The following THSD7B variants were observed in gnomAD, a reference collection of about 807,000 sequenced individuals.
THSD7B encodes the protein thrombospondin type 1 domain containing 7B.
A neutral mutation model predicts 213.6 loss-of-function variants in THSD7B; 138 were observed. The observed-to-expected ratio is 0.65, with a 90% CI of 0.56 to 0.74. The LOEUF (loss-of-function observed/expected upper bound fraction) is 0.74, where lower values mean the gene tolerates loss of function less well. Ranked by LOEUF, THSD7B falls within the 30% of genes least tolerant of loss-of-function variation. THSD7B has a pLI of 0.00. For synonymous variants in THSD7B, 742 were observed against 687.0 expected, an observed-to-expected ratio of 1.08 and a Z score of -1.25; for missense variants, 1,931 against 1,991.5, an observed-to-expected ratio of 0.97 and a Z score of 0.58.
intron 2 of THSD7B, among the ~76,000 whole-genome samples, chr2:136,898,580 C>T (rs749565390): frequency 5.6e-5 from 3 of 53,920 alleles, no homozygotes; most frequent in Non-Finnish European, 1.3e-4. Context: ...TGTCCCCCCG[C>T]CCCCCCGCCA....
At chr2:137,589,212 C>T (rs914950313) in intron 17 of THSD7B, among the ~76,000 whole-genome samples, 2 of 152,040 alleles carry the variant, frequency 1.3e-5, no homozygotes, top group African/African-American at 4.8e-5. Context: ...TGAACTTTGA[C>T]ATTTTTGTCA....
chr2:137,092,624 A>T (rs753469238), intron 3 of THSD7B, among the ~76,000 whole-genome samples: 1 of 152,036 alleles, frequency 6.6e-6, no homozygotes, highest in Non-Finnish European at 1.5e-5. Context: ...GTTAGAAATG[A>T]AACAATTTAA....
intron 1 of THSD7B, among the ~76,000 whole-genome samples, chr2:136,767,839 G>A (rs1681433887): frequency 6.6e-6 from 1 of 152,128 alleles, no homozygotes; most frequent in Non-Finnish European, 1.5e-5. Context: ...ATAATACGAT[G>A]AGCTCACTTT....
intron 17 of THSD7B, among the ~76,000 whole-genome samples, chr2:137,575,929 T>C (rs1002001922): frequency 1.4e-5 from 2 of 145,554 alleles, no homozygotes; most frequent in Non-Finnish European, 2.9e-5. Flanking sequence ...AGTTCATTAC[T>C]TACCACCCAA....
intron 4 of THSD7B, among the ~76,000 whole-genome samples, chr2:137,106,611 C>T: frequency 6.6e-6 from 1 of 152,036 alleles, no homozygotes; most frequent in East Asian, 1.9e-4. Flanking sequence ...AACAGGAAAC[C>T]TACAGAATGG....
intron 18 of THSD7B, 47 bp downstream of exon 18, chr2:137,616,363 A>G: frequency 6.4e-7 from 1 of 1,562,812 alleles, no homozygotes; most frequent in Non-Finnish European, 8.7e-7. Context: ...AACATTGACT[A>G]ATGAGAGAAT....
chr2:137,015,707 G>A (rs533554043), intron 2 of THSD7B, among the ~76,000 whole-genome samples: 8 of 152,270 alleles, frequency 5.3e-5, no homozygotes, highest in Admixed American at 3.3e-4. Context: ...CTCCTGCACC[G>A]TTACCCTTTA....
At chr2:136,771,120 TA>T (rs1475017110) in intron 1 of THSD7B, among the ~76,000 whole-genome samples, 10 of 152,152 alleles carry the variant, frequency 6.6e-5, no homozygotes, top group South Asian at 2.1e-4. Context: ...AAAAAGTAAT[TA>T]TTTTTTTTCA....
At chr2:137,494,831 C>G (rs913246438) in intron 15 of THSD7B, among the ~76,000 whole-genome samples, 1 of 152,138 alleles carries the variant, frequency 6.6e-6, no homozygotes, top group Non-Finnish European at 1.5e-5. Context: ...AACATCTTTT[C>G]TTTCCCACAA....
chr2:137,655,413 T>C (rs1475506923), intron 21 of THSD7B, 88 bp from the exon 22 acceptor site: 10 of 1,398,842 alleles, frequency 7.1e-6, no homozygotes, highest in Non-Finnish European at 9.7e-6. Context: ...TATGCAACTA[T>C]GGTCTTCTTA....
At chr2:137,318,479 C>T (rs781478139) in intron 12 of THSD7B, among the ~76,000 whole-genome samples, 3 of 152,090 alleles carry the variant, frequency 2.0e-5, no homozygotes, top group Non-Finnish European at 2.9e-5. Context: ...AATCTTATCC[C>T]AGATACATCT....
chr2:137,595,835 T>C (rs1366076073), intron 17 of THSD7B, among the ~76,000 whole-genome samples: 1 of 151,908 alleles, frequency 6.6e-6, no homozygotes, highest in Non-Finnish European at 1.5e-5. Context: ...ATTACAAACT[T>C]CAAGTGAAGG....
At position 137,375,475 on chromosome 2, in the gene THSD7B, C is replaced by T. The variant is rs978886889; in HGVS notation, c.2501-30138C>T. Among the ~76,000 whole-genome samples the T allele has an allele frequency of 3.9e-5, 6 of 152,250 alleles. 1 individual carries two copies. The highest frequency in any genetic ancestry group is 1.4e-4 in the African/African-American group (6 of 41,542). ...TATTGCATTAAAATAAATTCATTTCCTTCATGTTTCTCGCATGCAACTTTT... is the reference window on the plus strand; with the variant it reads ...TATTGCATTAAAATAAATTCATTTCTTTCATGTTTCTCGCATGCAACTTTT... On this transcript the variant is annotated intron_variant, in intron 12 of 27. Transcript: ENST00000409968.
At chr2:136,810,434 C>A (rs1470420970) in intron 1 of THSD7B, among the ~76,000 whole-genome samples, 1 of 152,182 alleles carries the variant, frequency 6.6e-6, no homozygotes, top group Non-Finnish European at 1.5e-5. Flanking sequence ...CTATGCCAGT[C>A]CCCAAACTGC....
chr2:137,339,295 G>C (rs919483729), intron 12 of THSD7B, among the ~76,000 whole-genome samples: 1 of 151,800 alleles, frequency 6.6e-6, no homozygotes, highest in Admixed American at 6.6e-5. Context: ...AGGTGTGTTT[G>C]TGGTAGATGC....
chr2:136,925,425 A>T (rs1429990), intron 2 of THSD7B, among the ~76,000 whole-genome samples: 9,112 of 152,222 alleles, frequency 0.06, 411 homozygotes, highest in Non-Finnish European at 0.086. Context: ...ATGAATTGAC[A>T]TGATCATGAA....
chr2:137,229,331 T>C (rs1469484495), intron 7 of THSD7B, among the ~76,000 whole-genome samples: 1 of 151,180 alleles, frequency 6.6e-6, no homozygotes, highest in Non-Finnish European at 1.5e-5. Context: ...GCTTCTATAC[T>C]TGTGAAAGTG....
At chr2:137,298,961 GT>G (rs1683532419) in intron 12 of THSD7B, among the ~76,000 whole-genome samples, 1 of 152,150 alleles carries the variant, frequency 6.6e-6, no homozygotes, top group Non-Finnish European at 1.5e-5. Flanking sequence ...GCACTGCCTA[GT>G]GGAGCTGTGA....
chr2:136,991,409 T>A (rs1438820016), intron 2 of THSD7B, among the ~76,000 whole-genome samples: 1 of 152,142 alleles, frequency 6.6e-6, no homozygotes, highest in Non-Finnish European at 1.5e-5. Flanking sequence ...AAAGGTATAT[T>A]GGCTAAGTGA....
Sources: gnomAD v4.1 joint callset for allele counts (sites outside exome capture counted in the v4.1 genomes callset) on GRCh38, gnomAD v4.1.1 for gene constraint, MANE v1.5 for transcripts, NCBI Gene and HGNC (gene_info 2026-07-23, HGNC 2026-07-21) for gene names.